Variants in RGL1 observed in about 807,000 individuals in gnomAD.
The protein encoded by RGL1 is ral guanine nucleotide dissociation stimulator like 1.
A neutral mutation model predicts 95.2 loss-of-function variants in RGL1; 24 were observed. The ratio of observed to expected loss-of-function variants is 0.25; its 90% confidence interval spans 0.18 to 0.35. The LOEUF is 0.35. Among genes scored for constraint, RGL1 ranks in the 10% least tolerant of loss-of-function variants. The pLI is 1.00. For missense variants in RGL1, 715 were observed against 936.3 expected (o/e 0.76, Z 3.08); for synonymous variants, 329 against 344.9 (o/e 0.95, Z 0.51).
chr1:183,703,812 G>A (rs1280084389), intron 1 of RGL1, among the ~76,000 whole-genome samples: 1 of 152,184 alleles, frequency 6.6e-6, no homozygotes, highest in African/African-American at 2.4e-5. Context: ...GCTGGAGGGA[G>A]CCCTGGGGTG....
chr1:183,899,998 T>G lies in RGL1; in HGVS notation c.1231-152T>G, dbSNP rs559696654. On this transcript the variant is annotated intron_variant, in intron 10 of 17. Transcript: ENST00000360851. Reference sequence around the variant, plus strand: ...GATCATGGAGTTTCTATCCTATTTGTGTAGAAATTTAAAAAATGTTATTCA... The same window carrying G: ...GATCATGGAGTTTCTATCCTATTTGGGTAGAAATTTAAAAAATGTTATTCA... 15 of 561,316 alleles carry G rather than the reference T, an allele frequency of 2.7e-5. 1 individual carries two copies. The South Asian group carries it at 3.5e-4, about 13-fold the overall frequency. 34.8% of individuals were successfully genotyped at this position (561,316 alleles called of 1,614,324 possible). A position where few individuals can be genotyped will look rare whatever the true frequency, so the allele number is the denominator to read the frequency against.
intron 4 of RGL1, among the ~76,000 whole-genome samples, chr1:183,879,927 G>A (rs2102635240): frequency 6.6e-6 from 1 of 152,218 alleles, no homozygotes; most frequent in Middle Eastern, 3.4e-3. Context: ...CTTCCCCTAG[G>A]TGGACTCTGT....
In RGL1 at chr1:183,817,751, A is replaced by C. The variant is rs909939009; in HGVS notation, c.138+11266A>C. On this transcript the variant is annotated intron_variant, in intron 2 of 17. Coordinates refer to ENST00000360851, the MANE Select transcript of RGL1 (RefSeq NM_001297671.3). The stretch of plus-strand genomic sequence containing the variant: ...CAAACACTGAATTCTCCCTGAATCT[A>C]CTGACTGTGTGTGGTGGTAGAGGAG... 2.0e-5 allele frequency among the ~76,000 whole-genome samples: 3 copies of C among 152,194 alleles called. No homozygotes were observed. In the East Asian group the frequency reaches 5.8e-4, roughly 29 times the overall value.
At chr1:183,697,322 A>G (rs929867856) in intron 1 of RGL1, among the ~76,000 whole-genome samples, 2 of 151,800 alleles carry the variant, frequency 1.3e-5, no homozygotes, top group Non-Finnish European at 2.9e-5. Flanking sequence ...TCCATTGCTT[A>G]TTTCTCCCTA....
At chr1:183,662,115 G>A (rs1651676980) in intron 1 of RGL1, among the ~76,000 whole-genome samples, 1 of 151,228 alleles carries the variant, frequency 6.6e-6, no homozygotes, top group South Asian at 2.1e-4. Context: ...TACTTAATGG[G>A]CAAAAACTCG....
At chr1:183,860,346 C>G (rs918956963) in intron 3 of RGL1, among the ~76,000 whole-genome samples, 2 of 152,174 alleles carry the variant, frequency 1.3e-5, no homozygotes, top group Non-Finnish European at 2.9e-5. Context: ...ATTCCAGGCT[C>G]AGTAGAAGTA....
chr1:183,880,888 T>C (rs1407028632), intron 5 of RGL1, 88 bp downstream of exon 5: 1 of 1,255,008 alleles, frequency 8.0e-7, no homozygotes, highest in East Asian at 2.5e-5. Flanking sequence ...TGCTGGCTAA[T>C]AGGAAACCTT....
chr1:183,681,776 T>C (rs924013422), intron 1 of RGL1, among the ~76,000 whole-genome samples: 6 of 152,206 alleles, frequency 3.9e-5, no homozygotes, highest in African/African-American at 1.4e-4. Context: ...GAACCTCTGG[T>C]AGAATTTGGC....
At chr1:183,710,165 A>G (rs902612311) in intron 1 of RGL1, 8 of 221,084 alleles carry the variant, frequency 3.6e-5, no homozygotes, top group Admixed American at 2.3e-4. Context: ...CTCACGCTTC[A>G]TGGCTCTCAG....
intron 1 of RGL1, among the ~76,000 whole-genome samples, chr1:183,675,158 C>T (rs1652732225): frequency 6.6e-6 from 1 of 152,180 alleles, no homozygotes; most frequent in Non-Finnish European, 1.5e-5. Context: ...TTTACTTACA[C>T]AGGGCACTCG....
At chr1:183,664,784 C>T (rs1042098251) in intron 1 of RGL1, among the ~76,000 whole-genome samples, 47 of 152,138 alleles carry the variant, frequency 3.1e-4, no homozygotes, top group African/African-American at 1.0e-3. Context: ...AGGAGTTTTT[C>T]GGTCAATTCT....
At chr1:183,860,346 C>T (rs918956963) in intron 3 of RGL1, among the ~76,000 whole-genome samples, 1 of 152,174 alleles carries the variant, frequency 6.6e-6, no homozygotes, top group Non-Finnish European at 1.5e-5. Context: ...ATTCCAGGCT[C>T]AGTAGAAGTA....
At chr1:183,648,115 T>C (rs575168528) in intron 1 of RGL1, 33 of 1,614,108 alleles carry the variant, frequency 2.0e-5, no homozygotes, top group Non-Finnish European at 2.5e-5. Flanking sequence ...GCGTTGTGCC[T>C]GTCAGCCAGT....
rs1468091639 is a variant in RGL1 at position 183,805,203 on chromosome 1, G to A, written c.-95G>A. On this transcript the variant is annotated 5_prime_UTR_variant, in exon 1 of 18. Coordinates refer to ENST00000360851, the MANE Select transcript of RGL1 (RefSeq NM_001297671.3). ...TGCGGTCGCTCGGGACCGGGACCGGGGCGAGGCGCCGCGGGGCTGAGCCCA... is the reference window on the plus strand; with the variant it reads ...TGCGGTCGCTCGGGACCGGGACCGGAGCGAGGCGCCGCGGGGCTGAGCCCA... The A allele has an allele frequency of 2.6e-6, 4 of 1,542,162 alleles. No homozygotes were observed. Among genetic ancestry groups the A allele is most frequent in the Admixed American group, 3.9e-5 (2 of 51,064 alleles).
intron 16 of RGL1, among the ~76,000 whole-genome samples, chr1:183,917,598 A>G (rs1008804460): frequency 6.6e-6 from 1 of 152,270 alleles, no homozygotes; most frequent in African/African-American, 2.4e-5. Context: ...TTGCTAAAGC[A>G]TTTATTGAGT....
chr1:183,927,749 C>T lies in RGL1; in HGVS notation c.*1457C>T, dbSNP rs142436762. On this transcript the variant is annotated 3_prime_UTR_variant, in exon 18 of 18. Transcript: ENST00000360851. ...TTTTTAAGAAATGATTCTCAAAATACCAGTTTTTATTCCAAAAATTTAGAG... is the reference window on the plus strand; with the variant it reads ...TTTTTAAGAAATGATTCTCAAAATATCAGTTTTTATTCCAAAAATTTAGAG... 3 of 152,668 alleles carry T rather than the reference C, an allele frequency of 2.0e-5. No homozygotes were observed. Among genetic ancestry groups the T allele is most frequent in the Admixed American group, 6.5e-5 (1 of 15,294 alleles). The allele number at this position is 152,668 out of a possible 1,614,324, so 9.5% of individuals were successfully genotyped here.
At chr1:183,868,389 A>G (rs914787854) in intron 4 of RGL1, among the ~76,000 whole-genome samples, 13 of 152,140 alleles carry the variant, frequency 8.5e-5, no homozygotes, top group Non-Finnish European at 1.9e-4. Context: ...ATATAATCTA[A>G]AAGGTGATTT....
intron 10 of RGL1, among the ~76,000 whole-genome samples, chr1:183,898,478 T>C (rs571993253): frequency 6.6e-6 from 1 of 152,362 alleles, no homozygotes; most frequent in African/African-American, 2.4e-5. Context: ...TTATCAACTT[T>C]AGCTTCATTT....
intron 1 of RGL1, among the ~76,000 whole-genome samples, chr1:183,682,370 T>C (rs1653278804): frequency 6.6e-6 from 1 of 151,960 alleles, no homozygotes; most frequent in South Asian, 2.1e-4. Context: ...TACGTTGTCT[T>C]GGTTCTCATT....
Sources: gnomAD v4.1 joint callset for allele counts (sites outside exome capture counted in the v4.1 genomes callset) on GRCh38, gnomAD v4.1.1 for gene constraint, MANE v1.5 for transcripts, NCBI Gene and HGNC (gene_info 2026-07-23, HGNC 2026-07-21) for gene names.